MON2: variants seen among roughly 807,000 people sequenced by gnomAD.
MON2 encodes protein MON2 homolog.
Under a neutral mutation model 208.6 loss-of-function variants are expected in MON2, and 84 were observed. The observed-to-expected ratio is 0.40, with a 90% CI of 0.34 to 0.48. The LOEUF is 0.48. Among genes scored for constraint, MON2 ranks in the 20% least tolerant of loss-of-function variants. The pLI, the probability that MON2 is intolerant of heterozygous loss-of-function variation, is 0.59. For missense variants in MON2, 1,611 were observed against 2,015.4 expected (o/e 0.80, Z 3.84); for synonymous variants, 660 against 694.0 (o/e 0.95, Z 0.77).
chr12:62,573,561 A>T (rs557101899), intron 30 of MON2, among the ~76,000 whole-genome samples: 2 of 150,766 alleles, frequency 1.3e-5, no homozygotes, highest in African/African-American at 2.4e-5. Context: ...TCCTGTATAT[A>T]AAAAAAAATG....
At chr12:62,564,848 C>A (rs2074321585) in intron 26 of MON2, 1 of 156,158 alleles carries the variant, frequency 6.4e-6, no homozygotes, top group African/African-American at 2.4e-5. Context: ...GATGTCATTT[C>A]AATGAACTGA....
intron 8 of MON2, among the ~76,000 whole-genome samples, chr12:62,519,847 G>A (rs940016802): frequency 4.6e-5 from 7 of 152,168 alleles, no homozygotes; most frequent in South Asian, 2.1e-4. Context: ...ACGGAGTCTC[G>A]CTCTGTCACC....
chr12:62,525,614 C>G (rs2072290806), intron 10 of MON2, among the ~76,000 whole-genome samples: 1 of 152,090 alleles, frequency 6.6e-6, no homozygotes, highest in Admixed American at 6.6e-5. Flanking sequence ...TGTTGTTTCC[C>G]TTTACCTTCT....
chr12:62,571,224 C>T (rs113699870), intron 29 of MON2, among the ~76,000 whole-genome samples, 168 bp from the exon 30 acceptor site: 1,710 of 152,188 alleles, frequency 0.011, 29 homozygotes, highest in African/African-American at 0.039. Context: ...TTGAGGACTA[C>T]GTCTGAGAAT....
At chr12:62,467,443 G>T in intron 1 of MON2, 125 bp downstream of exon 1, 2 of 747,216 alleles carry the variant, frequency 2.7e-6, no homozygotes, top group East Asian at 2.7e-5. Context: ...TTTGTGAGTC[G>T]GTGGGTTGTT....
Position 62,534,946 on chromosome 12 carries a change from T to G in MON2, c.1715+20T>G. 6.5e-7 allele frequency: 1 copy of G among 1,535,572 alleles called. No homozygotes were observed. The highest frequency in any genetic ancestry group is 1.1e-5 in the South Asian group (1 of 88,298). On this transcript the variant is annotated intron_variant, in intron 13 of 34. Transcript: ENST00000393630. The stretch of plus-strand genomic sequence containing the variant: ...TGCCAGGTATTAAGTCTTTGTAAGT[T>G]TTATATTGAACTGTGTCAGTTAAAA...
At chr12:62,520,805 A>G (rs1257956278) in intron 8 of MON2, among the ~76,000 whole-genome samples, 1 of 148,952 alleles carries the variant, frequency 6.7e-6, no homozygotes, top group Non-Finnish European at 1.5e-5. Context: ...CAGGCACCAA[A>G]ATATCCAAAG....
rs1263448349 is a variant in MON2, at chr12:62,490,719, CATTT to C, written c.176-3192_176-3189del. Among the ~76,000 whole-genome samples, 62 of 152,000 alleles carry C rather than the reference CATTT, an allele frequency of 4.1e-4. 2 individuals carry two copies. Among genetic ancestry groups the C allele is most frequent in the Admixed American group, 4.1e-3 (62 of 15,266 alleles). Reference sequence around the variant, plus strand: ...AAATAGGTTTTATTGTTTTGTTGATCATTTATTCTAGATAACATATAAACTTCCT... The same window carrying C: ...AAATAGGTTTTATTGTTTTGTTGATCATTCTAGATAACATATAAACTTCCT... On this transcript the variant is annotated intron_variant, in intron 2 of 34. Transcript: ENST00000393630.
At position 62,552,980 on chromosome 12, in the gene MON2, G is replaced by A. The variant is rs372150008; in HGVS notation, c.3016G>A (p.Val1006Ile). The change falls in exon 24 of 35, where the codon GTT (valine) becomes ATT (isoleucine). Residue 1006 changes from valine (V) to isoleucine (I), a missense_variant. Physicochemically the swap from Val to Ile is conservative, Grantham distance 29. Transcript: ENST00000393630. ...AQQKQAEEKG[V>I]VLNRPFHPAP... ...GCAAAAGCAGGCAGAAGAGAAAGGA[G>A]TTGTTTTAAATCGGCCATTCCACCC... 3.7e-6 allele frequency: 6 copies of A among 1,614,054 alleles called. No homozygotes were observed. Among genetic ancestry groups the A allele is most frequent in the Non-Finnish European group, 5.1e-6 (6 of 1,180,012 alleles).
At chr12:62,571,299 C>A in intron 29 of MON2, 93 bp from the exon 30 acceptor site, 3 of 936,086 alleles carry the variant, frequency 3.2e-6, no homozygotes, top group Non-Finnish European at 4.6e-6. Flanking sequence ...ATGAAAATAC[C>A]TATGCTATTT....
rs148215143 is a variant in MON2, at chr12:62,578,705, G to A, written c.4575+200G>A. On this transcript the variant is annotated intron_variant, in intron 31 of 34. Transcript: ENST00000393630. ...ACTTCCTTAGATTTGTTACAGTCTT[G>A]TGCTTTGTGCGTGTTGTCCCAATAC... Among the ~76,000 whole-genome samples, 26 of 152,248 alleles carry A rather than the reference G, an allele frequency of 1.7e-4. No homozygotes were observed. In the East Asian group the frequency reaches 4.2e-3, roughly 25 times the overall value.
chr12:62,535,477 G>A (rs891382471), intron 13 of MON2, 48 bp from the exon 14 acceptor site: 1 of 1,348,484 alleles, frequency 7.4e-7, no homozygotes, highest in African/African-American at 1.5e-5. Context: ...GCTTTACAAT[G>A]TAATTAAAAA....
Position 62,560,500 on chromosome 12 carries a change from CA to C in MON2, c.3421del (p.Arg1141GlufsTer26). 1 of 1,591,026 alleles carries C rather than the reference CA, an allele frequency of 6.3e-7. No individual in the cohort carries two copies. Among genetic ancestry groups the C allele is most frequent in the Non-Finnish European group, 8.5e-7 (1 of 1,173,226 alleles). On this transcript the variant is annotated frameshift_variant, in exon 26 of 35. Transcript: ENST00000393630. LOFTEE classifies it high-confidence loss of function. The part of the protein sequence containing the change: ...RYLLQPLGDF[S>X]RAWDVLLDHI... The stretch of plus-strand genomic sequence containing the variant: ...TCTCTTCCTAATATAGGAGATTTTT[CA>C]AGAGCTTGGGATGTTCTTCTTGACC...
chr12:62,585,380 A>G lies in MON2; in HGVS notation c.4786A>G (p.Thr1596Ala), dbSNP rs745750189. 2.5e-6 allele frequency: 4 copies of G among 1,613,918 alleles called. No homozygotes were observed. The highest frequency in any genetic ancestry group is 2.5e-6 in the Non-Finnish European group (3 of 1,179,822). The change falls in exon 33 of 35, where the codon ACA (threonine) becomes GCA (alanine). Residue 1596 changes from threonine (T) to alanine (A), a missense_variant. By Grantham distance (58) the Thr-to-Ala change is moderately conservative. Transcript: ENST00000393630. ...CCAGTTTTCCTTCAGTAATAAAGTCACAACACCTCAAGAAGGCTACATCTC... is the reference window on the plus strand; with the variant it reads ...CCAGTTTTCCTTCAGTAATAAAGTCGCAACACCTCAAGAAGGCTACATCTC... ...LLQFSFSNKV[T>A]TPQEGYISRM...
chr12:62,467,418 C>A lies in MON2; in HGVS notation c.111+100C>A, dbSNP rs529082115. On this transcript the variant is annotated intron_variant, in intron 1 of 34. Coordinates refer to ENST00000393630, the MANE Select transcript of MON2 (RefSeq NM_015026.3). ...TTTCCAGTCCTAATTTTCATTCAGG[C>A]CTCACCTTTCCAGATTTGTGAGTCG... The A allele has an allele frequency of 9.8e-6, 9 of 916,502 alleles. No homozygotes were observed. The East Asian group carries it at 1.8e-4, about 18-fold the overall frequency. 56.8% of individuals were successfully genotyped at this position (916,502 alleles called of 1,614,324 possible).
At chr12:62,544,371 A>C (rs979439043) in intron 20 of MON2, among the ~76,000 whole-genome samples, 1 of 152,142 alleles carries the variant, frequency 6.6e-6, no homozygotes, top group Non-Finnish European at 1.5e-5. Flanking sequence ...GCTTGAACCC[A>C]GGAAGTTGAC....
chr12:62,471,924 AGT>A (rs1055543376), intron 1 of MON2, among the ~76,000 whole-genome samples: 21 of 152,348 alleles, frequency 1.4e-4, no homozygotes, highest in African/African-American at 4.6e-4. Flanking sequence ...GGGAGCGACA[AGT>A]TGTGGGCAGT....
At chr12:62,526,215 T>C (rs1230748624) in intron 11 of MON2, 113 bp downstream of exon 11, 10 of 966,380 alleles carry the variant, frequency 1.0e-5, no homozygotes, top group Non-Finnish European at 1.2e-5. Context: ...CTAAGGTATT[T>C]TAGAGCTCAT....
rs113726601 is a variant in MON2 at position 62,580,500 on chromosome 12, T to A, written c.4699+80T>A. The A allele has an allele frequency of 3.9e-5, 51 of 1,299,214 alleles. 1 individual carries two copies. The African/African-American group carries it at 5.5e-4, about 14-fold the overall frequency. The allele number at this position is 1,299,214 out of a possible 1,614,324, so 80.5% of individuals were successfully genotyped here. On this transcript the variant is annotated intron_variant, in intron 32 of 34. Transcript: ENST00000393630. ...TCAGTAGAAATGTTTAATCCTATGA[T>A]TTTGGTAATGTAAACTGGAGAATGG...
Sources: gnomAD v4.1 joint callset for allele counts (sites outside exome capture counted in the v4.1 genomes callset) on GRCh38, gnomAD v4.1.1 for gene constraint, MANE v1.5 for transcripts, NCBI Gene and HGNC (gene_info 2026-07-23, HGNC 2026-07-21) for gene names.